Variants in TFDP2 observed in about 807,000 individuals in gnomAD.
The protein encoded by TFDP2 is transcription factor Dp-2.
Under a neutral mutation model 59.3 loss-of-function variants are expected in TFDP2, and 17 were observed. The ratio of observed to expected loss-of-function variants is 0.29; its 90% CI spans 0.20 to 0.43. TFDP2 has a LOEUF of 0.43. TFDP2 is among the 20% of genes least tolerant of loss of function. The pLI, the probability that TFDP2 is intolerant of heterozygous loss-of-function variation, is 1.00. For missense variants in TFDP2, 391 were observed against 528.8 expected (o/e 0.74, Z 2.56); for synonymous variants, 180 against 194.7 (o/e 0.92, Z 0.63).
At chr3:142,144,098 G>A (rs2063063146) in intron 1 of TFDP2, among the ~76,000 whole-genome samples, 1 of 152,174 alleles carries the variant, frequency 6.6e-6, no homozygotes. Context: ...CTATGGCCAG[G>A]CACGATGGCT....
chr3:141,971,250 CG>C (rs1449071120), intron 8 of TFDP2, among the ~76,000 whole-genome samples: 1 of 150,402 alleles, frequency 6.6e-6, no homozygotes, highest in African/African-American at 2.5e-5. Context: ...TGGCCAGGCG[CG>C]GTGGCTCAGC....
intron 3 of TFDP2, among the ~76,000 whole-genome samples, chr3:142,006,469 A>ATTT (rs61099247): frequency 0.08 from 11,030 of 137,534 alleles, 678 homozygotes; most frequent in African/African-American, 0.16. Context: ...TTCCCTTACT[A>ATTT]TTTTTTTTTT....
At chr3:142,027,520 A>C (rs1946184140) in intron 3 of TFDP2, among the ~76,000 whole-genome samples, 1 of 151,350 alleles carries the variant, frequency 6.6e-6, no homozygotes, top group African/African-American at 2.4e-5. Context: ...CCCGCTCCCC[A>C]CCCACACTAA....
intron 3 of TFDP2, among the ~76,000 whole-genome samples, chr3:142,061,491 G>A (rs143963021): frequency 6.4e-4 from 98 of 152,204 alleles, no homozygotes; most frequent in African/African-American, 1.8e-3. Flanking sequence ...ATTTGAATCA[G>A]TAGAGTGAAT....
intron 3 of TFDP2, among the ~76,000 whole-genome samples, chr3:142,051,396 G>A (rs1240562782): frequency 6.6e-6 from 1 of 152,132 alleles, no homozygotes; most frequent in African/African-American, 2.4e-5. Context: ...AAAATTGGCT[G>A]GGCGTGGTGG....
chr3:142,105,186 AACT>A (rs1471633584), intron 1 of TFDP2, among the ~76,000 whole-genome samples: 1 of 152,206 alleles, frequency 6.6e-6, no homozygotes, highest in Non-Finnish European at 1.5e-5. Flanking sequence ...ATAACAAAAA[AACT>A]ACTAAGTCTT....
intron 3 of TFDP2, among the ~76,000 whole-genome samples, chr3:142,048,671 C>T (rs907361388): frequency 9.2e-5 from 14 of 152,086 alleles, no homozygotes; most frequent in Admixed American, 2.6e-4. Flanking sequence ...GCTCAAGCAA[C>T]CCTCCCACCT....
At chr3:141,992,540 C>T (rs1302438820) in intron 6 of TFDP2, among the ~76,000 whole-genome samples, 1 of 152,114 alleles carries the variant, frequency 6.6e-6, no homozygotes, top group South Asian at 2.1e-4. Flanking sequence ...GTTGCCCTTT[C>T]GAAGGATAAA....
chr3:142,140,493 T>C (rs1223010574), intron 1 of TFDP2, among the ~76,000 whole-genome samples: 3 of 152,244 alleles, frequency 2.0e-5, no homozygotes, highest in Admixed American at 6.5e-5. Flanking sequence ...TCCCCATCTT[T>C]GTGGTTTTAT....
chr3:142,024,072 G>C lies in TFDP2; in HGVS notation c.83-18528C>G, dbSNP rs543475465. On this transcript the variant is annotated intron_variant, in intron 3 of 12. Transcript: ENST00000489671. The stretch of plus-strand genomic sequence containing the variant: ...ACCTCTCCAGGTGCTGGGATTACAG[G>C]CATGTGCCACCATGCCCAGCCCATT... 3.9e-5 allele frequency among the ~76,000 whole-genome samples: 6 copies of C among 152,304 alleles called. No individual in the cohort carries two copies. The East Asian group carries it at 1.2e-3, about 29-fold the overall frequency.
At chr3:142,138,401 G>A (rs1157409734) in intron 1 of TFDP2, among the ~76,000 whole-genome samples, 1 of 152,016 alleles carries the variant, frequency 6.6e-6, no homozygotes, top group Non-Finnish European at 1.5e-5. Context: ...GTTATTTCTT[G>A]CCTTCCGCTA....
chr3:141,968,405 T>TATATATAACATATATATC (rs1559937140), intron 9 of TFDP2, among the ~76,000 whole-genome samples: 7 of 78,952 alleles, frequency 8.9e-5, no homozygotes, highest in Admixed American at 1.5e-4. Flanking sequence ...ATATATATCA[T>TATATATAACATATATATC]ATATATAACA....
At chr3:142,031,650 A>G (rs185512264) in intron 3 of TFDP2, among the ~76,000 whole-genome samples, 15 of 152,364 alleles carry the variant, frequency 9.8e-5, no homozygotes, top group African/African-American at 3.6e-4. Flanking sequence ...CCATTTAAAC[A>G]TCATTAATTA....
At chr3:141,991,864 G>A (rs1283645309) in intron 6 of TFDP2, among the ~76,000 whole-genome samples, 1 of 152,076 alleles carries the variant, frequency 6.6e-6, no homozygotes, top group Non-Finnish European at 1.5e-5. Flanking sequence ...CCAACATGGT[G>A]AAACCCTGTT....
At chr3:142,102,213 A>C (rs2061334991) in intron 1 of TFDP2, among the ~76,000 whole-genome samples, 1 of 152,222 alleles carries the variant, frequency 6.6e-6, no homozygotes, top group South Asian at 2.1e-4. Flanking sequence ...GGGCTCAAAA[A>C]ATGATGGAGA....
chr3:142,032,070 T>C (rs145061024), intron 3 of TFDP2, among the ~76,000 whole-genome samples: 38 of 152,250 alleles, frequency 2.5e-4, no homozygotes, highest in African/African-American at 8.4e-4. Context: ...GCTCTTCCTC[T>C]TTCCACTTTT....
intron 7 of TFDP2, among the ~76,000 whole-genome samples, chr3:141,975,932 G>A (rs919017262): frequency 1.3e-5 from 2 of 151,954 alleles, no homozygotes; most frequent in African/African-American, 4.8e-5. Flanking sequence ...CCAGGCTGGA[G>A]TGCAGTGGTG....
rs560708560 is a variant in TFDP2 at position 142,037,918 on chromosome 3, T to C, written c.83-32374A>G. ...CTTCATACTTTGCAGTTATACATTA[T>C]CATGTAATAAACATGTCTCCACCCA... is the stretch of plus-strand genomic sequence containing the variant. On this transcript the variant is annotated intron_variant, in intron 3 of 12. Transcript: ENST00000489671. Among the ~76,000 whole-genome samples the C allele has an allele frequency of 2.0e-5, 3 of 152,364 alleles. No individual in the cohort carries two copies. The East Asian group carries it at 5.8e-4, about 29-fold the overall frequency.
At chr3:142,028,247 T>C (rs11569173) in intron 3 of TFDP2, among the ~76,000 whole-genome samples, 220 of 152,296 alleles carry the variant, frequency 1.4e-3, no homozygotes, top group African/African-American at 5.1e-3. Context: ...TTGAATTGCT[T>C]TCACAAGTAA....
Sources: allele counts gnomAD v4.1 joint callset (sites outside exome capture counted in the v4.1 genomes callset), GRCh38; gene constraint gnomAD v4.1.1; transcripts MANE v1.5; gene names NCBI Gene and HGNC (gene_info 2026-07-23, HGNC 2026-07-21).